RERE: variants seen among roughly 807,000 people sequenced by gnomAD.
RERE encodes the protein arginine-glutamic acid dipeptide repeats, also known as arginine-glutamic acid dipeptide repeats protein.
Under a neutral mutation model 146.1 loss-of-function variants are expected in RERE, and 40 were observed. That is an observed-to-expected ratio of 0.27 (90% confidence interval 0.21 to 0.36). RERE has a LOEUF of 0.36. Among genes scored for constraint, RERE ranks in the 10% least tolerant of loss-of-function variants. The pLI is 1.00. For missense variants in RERE, 1,933 were observed against 2,138.7 expected (o/e 0.90, Z 1.90); for synonymous variants, 1,003 against 866.0 (o/e 1.16, Z -2.78).
intron 1 of RERE, among the ~76,000 whole-genome samples, chr1:8,804,767 T>C (rs1462063892): frequency 6.6e-6 from 1 of 151,684 alleles, no homozygotes; most frequent in Admixed American, 6.6e-5. Flanking sequence ...AAGGAAAGAG[T>C]TACATGTTGA....
intron 11 of RERE, among the ~76,000 whole-genome samples, chr1:8,458,589 A>C (rs1644483664): frequency 6.6e-6 from 1 of 152,212 alleles, no homozygotes; most frequent in East Asian, 1.9e-4. Flanking sequence ...ACACACACAT[A>C]TACATACACA....
chr1:8,815,127 T>C (rs918580057), intron 1 of RERE, among the ~76,000 whole-genome samples: 4 of 152,186 alleles, frequency 2.6e-5, no homozygotes, highest in Admixed American at 6.5e-5. Flanking sequence ...CCTCCATCCT[T>C]GGGCCACAGC....
chr1:8,361,537 C>G (rs746240988), intron 17 of RERE, 47 bp from the exon 18 acceptor site: 2 of 1,586,498 alleles, frequency 1.3e-6, no homozygotes, highest in Admixed American at 3.3e-5. Context: ...GGGCAGAGCC[C>G]TGTCTGCTCT....
At chr1:8,578,111 G>T (rs572463463) in intron 4 of RERE, among the ~76,000 whole-genome samples, 1 of 151,874 alleles carries the variant, frequency 6.6e-6, no homozygotes, top group Non-Finnish European at 1.5e-5. Context: ...AAAAAAGGGC[G>T]GGGGGGAGAG....
intron 20 of RERE, among the ~76,000 whole-genome samples, chr1:8,357,940 G>A (rs892158752): frequency 2.0e-5 from 3 of 152,250 alleles, no homozygotes; most frequent in Admixed American, 6.5e-5. Flanking sequence ...CCCAGGCACA[G>A]GGCCAAGAAC....
chr1:8,764,769 A>T (rs1476211378), intron 1 of RERE, among the ~76,000 whole-genome samples: 1 of 152,234 alleles, frequency 6.6e-6, no homozygotes, highest in Non-Finnish European at 1.5e-5. Context: ...GCTCAACCTC[A>T]TTAGGGAAAT....
chr1:8,481,519 TATTA>T (rs1032341474), intron 10 of RERE, among the ~76,000 whole-genome samples: 1 of 152,218 alleles, frequency 6.6e-6, no homozygotes, highest in Non-Finnish European at 1.5e-5. Flanking sequence ...TAAGTGTGCT[TATTA>T]ATTTTTAGAT....
chr1:8,410,812 C>T (rs1218878301), intron 12 of RERE, among the ~76,000 whole-genome samples: 2 of 152,172 alleles, frequency 1.3e-5, no homozygotes, highest in African/African-American at 4.8e-5. Flanking sequence ...TTGTTCGGCA[C>T]TTGGTTTCCC....
rs1641922565 is a variant in RERE, at chr1:8,816,879, T to C, written c.-145+281A>G. On this transcript the variant is annotated intron_variant, in intron 1 of 22. Transcript: ENST00000400908. ...AGTTTCAGCCAATAATGTAGTCACA[T>C]GAAATAGTTTAACCTCAAACAAGTA... Among the ~76,000 whole-genome samples, 3 of 152,054 alleles carry C rather than the reference T, an allele frequency of 2.0e-5. No homozygotes were observed. In the South Asian group the frequency reaches 6.2e-4, roughly 32 times the overall value.
chr1:8,500,373 T>C (rs1645114307), intron 8 of RERE, among the ~76,000 whole-genome samples: 1 of 152,254 alleles, frequency 6.6e-6, no homozygotes, highest in Non-Finnish European at 1.5e-5. Context: ...AAAATGCCTC[T>C]TAATCATAAG....
chr1:8,726,295 G>A (rs950239110), intron 1 of RERE, among the ~76,000 whole-genome samples: 1 of 151,268 alleles, frequency 6.6e-6, no homozygotes, highest in Non-Finnish European at 1.5e-5. Context: ...GGGATTACAA[G>A]CACACGCCAC....
chr1:8,508,020 T>C (rs1645280242), intron 8 of RERE, among the ~76,000 whole-genome samples: 1 of 152,224 alleles, frequency 6.6e-6, no homozygotes, highest in African/African-American at 2.4e-5. Flanking sequence ...ATTACAGGCA[T>C]GAGCCATTGT....
chr1:8,546,663 C>G (rs1016505556), intron 6 of RERE, among the ~76,000 whole-genome samples: 1 of 151,932 alleles, frequency 6.6e-6, no homozygotes, highest in African/African-American at 2.4e-5. Context: ...GCCTGGCCAA[C>G]ATAGTGAAAC....
At chr1:8,720,917 A>G (rs913592555) in intron 1 of RERE, among the ~76,000 whole-genome samples, 4 of 152,148 alleles carry the variant, frequency 2.6e-5, no homozygotes, top group Admixed American at 2.6e-4. Flanking sequence ...TTAGCCAGAC[A>G]TGGTGATGCA....
intron 4 of RERE, among the ~76,000 whole-genome samples, chr1:8,611,362 G>A (rs987179187): frequency 1.8e-4 from 28 of 151,874 alleles, no homozygotes; most frequent in African/African-American, 6.5e-4. Context: ...CAACTAGCCA[G>A]GTGTGGTAGC....
intron 1 of RERE, among the ~76,000 whole-genome samples, chr1:8,749,404 T>A: frequency 6.7e-6 from 1 of 148,282 alleles, no homozygotes; most frequent in African/African-American, 2.5e-5. Context: ...TAAGTAAAAA[T>A]GAAAACAACA....
intron 1 of RERE, among the ~76,000 whole-genome samples, chr1:8,706,876 C>T (rs1639570082): frequency 6.6e-6 from 1 of 152,044 alleles, no homozygotes; most frequent in Admixed American, 6.6e-5. Flanking sequence ...GTTATTACAA[C>T]AAAAACTATA....
intron 4 of RERE, among the ~76,000 whole-genome samples, chr1:8,571,724 A>G (rs1023165372): frequency 2.0e-5 from 3 of 152,224 alleles, no homozygotes; most frequent in Non-Finnish European, 2.9e-5. Flanking sequence ...TTTTTCTAAT[A>G]CAAACATGCC....
intron 1 of RERE, among the ~76,000 whole-genome samples, chr1:8,687,384 A>C (rs1639114531): frequency 6.6e-6 from 1 of 152,206 alleles, no homozygotes; most frequent in African/African-American, 2.4e-5. Flanking sequence ...GCCCACCATG[A>C]GGCCAAGGAG....
Sources: allele counts gnomAD v4.1 joint callset (sites outside exome capture counted in the v4.1 genomes callset), GRCh38; gene constraint gnomAD v4.1.1; transcripts MANE v1.5; gene names NCBI Gene and HGNC (gene_info 2026-07-23, HGNC 2026-07-21).